PCDHAC1: variants seen among roughly 807,000 people sequenced by gnomAD.
PCDHAC1 encodes protocadherin alpha subfamily C, 1.
In PCDHAC1, 42 loss-of-function variants were observed where a neutral mutation model predicts 60.0. The ratio of observed to expected loss-of-function variants is 0.70; its 90% confidence interval spans 0.55 to 0.90. The LOEUF (loss-of-function observed/expected upper bound fraction) is 0.90. Ranked by LOEUF, PCDHAC1 falls within the 40% of genes least tolerant of loss-of-function variation. The pLI is 0.00. For missense variants in PCDHAC1, 1,160 were observed against 1,222.3 expected (o/e 0.95, Z 0.76); for synonymous variants, 468 against 499.3 (o/e 0.94, Z 0.84).
In PCDHAC1 at chr5:140,927,896, A is replaced by G. The variant is rs571131956; in HGVS notation, c.1004A>G (p.Asp335Gly). The G allele has an allele frequency of 6.2e-7, 1 of 1,614,200 alleles. No homozygotes were observed. The highest frequency in any genetic ancestry group is 1.3e-5 in the African/African-American group (1 of 75,058). ...KLLVEVTDVN[D>G]HAPELDFLTL... ...CTGGTGGAGGTGACTGACGTGAACG[A>G]TCATGCCCCCGAACTGGACTTCCTG... The change falls in exon 1 of 4, where the codon GAT (aspartate) becomes GGT (glycine). Residue 335 changes from aspartate (D) to glycine (G), a missense_variant. By Grantham distance (94) the Asp-to-Gly change is moderately conservative. Coordinates refer to ENST00000253807, the MANE Select transcript of PCDHAC1 (RefSeq NM_018898.5).
chr5:141,005,714 A>AAG (rs2098233543), intron 3 of PCDHAC1, among the ~76,000 whole-genome samples: 1 of 148,328 alleles, frequency 6.7e-6, no homozygotes, highest in Non-Finnish European at 1.5e-5. Flanking sequence ...AAAAAAAAAA[A>AAG]AAAAAAAAAA....
At chr5:140,984,260 A>G (rs2097093759) in intron 3 of PCDHAC1, among the ~76,000 whole-genome samples, 1 of 152,172 alleles carries the variant, frequency 6.6e-6, no homozygotes, top group South Asian at 2.1e-4. Context: ...GTAAGCCACA[A>G]ACTAACTTTG....
At chr5:140,967,107 G>C (rs782199698) in intron 1 of PCDHAC1, 1 of 1,612,994 alleles carries the variant, frequency 6.2e-7, no homozygotes. Flanking sequence ...TGTGAGCAGC[G>C]GCCTCGCTGC....
intron 3 of PCDHAC1, among the ~76,000 whole-genome samples, chr5:140,988,674 T>C (rs1221039125): frequency 1.3e-5 from 2 of 152,240 alleles, no homozygotes; most frequent in Non-Finnish European, 2.9e-5. Context: ...GACTCTAAGA[T>C]AATTCTTTCC....
intron 1 of PCDHAC1, among the ~76,000 whole-genome samples, chr5:140,964,412 GC>G (rs1330052602): frequency 7.9e-5 from 12 of 152,126 alleles, no homozygotes; most frequent in African/African-American, 2.9e-4. Flanking sequence ...ACATTTGGGG[GC>G]TTCCATTAAA....
At chr5:140,972,170 C>G (rs1001419960) in intron 1 of PCDHAC1, among the ~76,000 whole-genome samples, 2 of 152,034 alleles carry the variant, frequency 1.3e-5, no homozygotes, top group African/African-American at 4.8e-5. Flanking sequence ...GAGACAGAGT[C>G]TTGGCCTGTC....
At chr5:140,958,135 G>T (rs868969031) in intron 1 of PCDHAC1, among the ~76,000 whole-genome samples, 3 of 152,036 alleles carry the variant, frequency 2.0e-5, no homozygotes, top group Non-Finnish European at 4.4e-5. Context: ...GTATCAGTGT[G>T]TATATTTATA....
chr5:140,928,495 A>G lies in PCDHAC1; in HGVS notation c.1603A>G (p.Arg535Gly). 1.2e-6 allele frequency: 2 copies of G among 1,614,206 alleles called. No individual in the cohort carries two copies. Among genetic ancestry groups the G allele is most frequent in the South Asian group, 1.1e-5 (1 of 91,088 alleles). ...VEGRDGGIPP[R>G]SATVTINLFV... is the part of the protein sequence containing the mutation. The stretch of plus-strand genomic sequence containing the variant: ...AGGCCGGGATGGTGGCATTCCTCCC[A>G]GAAGTGCAACAGTGACTATAAACTT... Residue 535 changes from arginine (R) to glycine (G), a missense_variant, in exon 1 of 4, where the codon AGA becomes GGA. By Grantham distance (125) the Arg-to-Gly change is moderately radical. Coordinates refer to ENST00000253807, the MANE Select transcript of PCDHAC1 (RefSeq NM_018898.5).
At chr5:140,936,266 A>G (rs1407459228) in intron 1 of PCDHAC1, among the ~76,000 whole-genome samples, 1 of 152,182 alleles carries the variant, frequency 6.6e-6, no homozygotes, top group African/African-American at 2.4e-5. Context: ...TCATGAAGAT[A>G]TATTCCTGTG....
chr5:140,980,684 G>GAA (rs782726576), intron 2 of PCDHAC1, among the ~76,000 whole-genome samples: 2 of 145,064 alleles, frequency 1.4e-5, no homozygotes, highest in African/African-American at 5.1e-5. Context: ...TTTTCAAATT[G>GAA]AAAAAAAAAA....
At chr5:140,967,956 A>G in intron 1 of PCDHAC1, 2 of 1,614,172 alleles carry the variant, frequency 1.2e-6, no homozygotes, top group Middle Eastern at 3.3e-4. Context: ...TCAGGCCCCA[A>G]CCGGAAAGTG....
At chr5:140,993,958 G>A (rs782075870) in intron 3 of PCDHAC1, among the ~76,000 whole-genome samples, 1 of 152,162 alleles carries the variant, frequency 6.6e-6, no homozygotes, top group Non-Finnish European at 1.5e-5. Context: ...ATACATGACT[G>A]TAGTCATCAT....
chr5:140,969,095 C>T, intron 1 of PCDHAC1: 1 of 1,614,168 alleles, frequency 6.2e-7, no homozygotes, highest in East Asian at 2.2e-5. Flanking sequence ...AGTGCAGCCT[C>T]ACTTCATTGA....
At chr5:140,999,605 G>T (rs1587843541) in intron 3 of PCDHAC1, among the ~76,000 whole-genome samples, 2 of 152,132 alleles carry the variant, frequency 1.3e-5, no homozygotes, top group Admixed American at 1.3e-4. Context: ...CATCCTGGGG[G>T]ACCTTATCAA....
chr5:140,962,764 T>C (rs946789298), intron 1 of PCDHAC1, among the ~76,000 whole-genome samples: 7 of 152,226 alleles, frequency 4.6e-5, no homozygotes, highest in African/African-American at 1.7e-4. Flanking sequence ...TATTCGTTTT[T>C]AACAAGATGG....
In PCDHAC1 at chr5:141,011,970, C is replaced by T. The variant is rs975637071; in HGVS notation, c.*2033C>T. ...AGCATTAAATTTAAAAAAAAACTGT[C>T]TTGTCTACTTTTAGCTTCATTCTCC... On this transcript the variant is annotated 3_prime_UTR_variant, in exon 4 of 4. Coordinates refer to ENST00000253807, the MANE Select transcript of PCDHAC1 (RefSeq NM_018898.5). 6.5e-6 allele frequency: 1 copy of T among 153,576 alleles called. No homozygotes were observed. Among genetic ancestry groups the T allele is most frequent in the African/African-American group, 2.4e-5 (1 of 41,406 alleles). The allele number at this position is 153,576 out of a possible 1,614,324, so 9.5% of individuals were successfully genotyped here.
At chr5:140,944,718 G>A (rs1554216523) in intron 1 of PCDHAC1, among the ~76,000 whole-genome samples, 1 of 152,088 alleles carries the variant, frequency 6.6e-6, no homozygotes, top group East Asian at 1.9e-4. Flanking sequence ...TTTTGCCTTT[G>A]AACACCTTAG....
chr5:140,933,130 AAGGTAGAT>A (rs1554209200), intron 1 of PCDHAC1, among the ~76,000 whole-genome samples: 1 of 151,994 alleles, frequency 6.6e-6, no homozygotes, highest in East Asian at 1.9e-4. Context: ...CTAAATAATA[AAGGTAGAT>A]AGCCACTCAT....
intron 1 of PCDHAC1, among the ~76,000 whole-genome samples, chr5:140,947,975 A>G (rs572156919): frequency 5.8e-4 from 87 of 150,726 alleles, no homozygotes; most frequent in African/African-American, 1.9e-3. Context: ...TGTGCTACTC[A>G]TAGGTTTTTC....
Sources: allele counts gnomAD v4.1 joint callset (sites outside exome capture counted in the v4.1 genomes callset), GRCh38; gene constraint gnomAD v4.1.1; transcripts MANE v1.5; gene names NCBI Gene and HGNC (gene_info 2026-07-23, HGNC 2026-07-21).